FAM186A: variants seen among roughly 807,000 people sequenced by gnomAD.
The protein encoded by FAM186A is protein FAM186A.
A neutral mutation model predicts 216.8 loss-of-function variants in FAM186A; 163 were observed. That is an observed-to-expected ratio of 0.75 (90% confidence interval 0.66 to 0.86). The LOEUF (loss-of-function observed/expected upper bound fraction) is 0.86. Ranked by LOEUF, FAM186A falls within the 40% of genes least tolerant of loss-of-function variation. The probability of loss-of-function intolerance (pLI) is 0.00; values close to 1 mark genes in which losing one functional copy is unlikely to be tolerated. For synonymous variants in FAM186A, 805 were observed against 1,025.3 expected (o/e 0.79, Z 4.10); for missense variants, 2,184 against 2,746.2 (o/e 0.80, Z 4.58).
chr12:50,340,682 A>G (rs1942754006), intron 4 of FAM186A, among the ~76,000 whole-genome samples: 1 of 152,144 alleles, frequency 6.6e-6, no homozygotes, highest in Admixed American at 6.6e-5. Flanking sequence ...CTCTTTAAAA[A>G]AAAAAAAAAT....
Position 50,353,463 on chromosome 12 carries a change from GA to G in FAM186A, c.3368del (p.Phe1123SerfsTer45). Reference sequence around the variant, plus strand: ...CCAGGGCCTGCGCCTGCTGAGGGGTGAAAAGGATCTCCAGGGCCTGGGCCTG... The same window carrying G: ...CCAGGGCCTGCGCCTGCTGAGGGGTGAAAGGATCTCCAGGGCCTGGGCCTG... ...PQQAQALEIL[F>X]TPQQAQALGI... On this transcript the variant is annotated frameshift_variant, in exon 4 of 8. Transcript: ENST00000327337. LOFTEE classifies it high-confidence loss of function. 1 of 1,526,646 alleles carries G rather than the reference GA, an allele frequency of 6.6e-7. No individual in the cohort carries two copies. The highest frequency in any genetic ancestry group is 8.8e-7 in the Non-Finnish European group (1 of 1,135,726). The allele number at this position is 1,526,646 out of a possible 1,614,324, so 94.6% of individuals were successfully genotyped here.
chr12:50,374,354 T>TA (rs993955457), intron 1 of FAM186A, among the ~76,000 whole-genome samples: 66 of 145,898 alleles, frequency 4.5e-4, no homozygotes, highest in African/African-American at 1.4e-3. Flanking sequence ...TTATAGAAAT[T>TA]AAAAAAAAAA....
Position 50,334,093 on chromosome 12 carries a change from T to C in FAM186A, c.6514A>G (p.Met2172Val). 1.3e-6 allele frequency: 2 copies of C among 1,544,620 alleles called. No individual in the cohort carries two copies. The highest frequency in any genetic ancestry group is 1.7e-6 in the Non-Finnish European group (2 of 1,144,946). The change falls in exon 5 of 8, where the codon ATG becomes GTG. Residue 2172 changes from methionine (M) to valine (V), a missense_variant. Met to Val is a conservative substitution (Grantham distance 21). Transcript: ENST00000327337. ...TTTTGGATGGCTTTTAGTCGTTTCATTATGTTGTTCCTTGAAAAGATTAAT... is the reference window on the plus strand; with the variant it reads ...TTTTGGATGGCTTTTAGTCGTTTCACTATGTTGTTCCTTGAAAAGATTAAT... ...RLIQHARNNI[M>V]KRLKAIQNTG...
rs1724793039 is a variant in FAM186A, at chr12:50,334,177, T to C, written c.6504-74A>G. On this transcript the variant is annotated intron_variant, in intron 4 of 7. Transcript: ENST00000327337. ...TTCAACAAACTTGTCCTCAGTTTCTTTTTTTTTTTTGAGACGGAGTTTCGA... is the reference window on the plus strand; with the variant it reads ...TTCAACAAACTTGTCCTCAGTTTCTCTTTTTTTTTTGAGACGGAGTTTCGA... 1.1e-5 allele frequency: 13 copies of C among 1,150,290 alleles called. No homozygotes were observed. The South Asian group carries it at 2.4e-4, about 21-fold the overall frequency. The allele number at this position is 1,150,290 out of a possible 1,614,324, so 71.3% of individuals were successfully genotyped here.
chr12:50,396,374 C>T lies in FAM186A; in HGVS notation c.111G>A (p.Met37Ile). The change falls in exon 1 of 8, where the codon ATG becomes ATA. Residue 37 changes from methionine to isoleucine, a missense_variant. Physicochemically the swap from Met to Ile is conservative, Grantham distance 10. Around this residue, in one of 7 missense-constraint regions of FAM186A, gnomAD observed 1,132 missense variants for 1,263.4 expected, o/e 0.90. Coordinates refer to ENST00000327337, the MANE Select transcript of FAM186A (RefSeq NM_001145475.3). ...REPQNILSPL[M>I]LPNLEIPFSV... ...AGAATGGGATCTCAAGGTTAGGGAG[C>T]ATCAAAGGACTAAGGATATTTTGGG... 3 of 1,551,612 alleles carry T rather than the reference C, an allele frequency of 1.9e-6. No individual in the cohort carries two copies. The highest frequency in any genetic ancestry group is 2.6e-6 in the Non-Finnish European group (3 of 1,146,980).
At chr12:50,342,288 C>T (rs868261015) in intron 4 of FAM186A, among the ~76,000 whole-genome samples, 2 of 148,350 alleles carry the variant, frequency 1.3e-5, no homozygotes, top group Non-Finnish European at 3.0e-5. Context: ...CCTGGGCAAC[C>T]AAGTGAGACT....
intron 4 of FAM186A, among the ~76,000 whole-genome samples, chr12:50,335,835 G>C (rs2138760307): frequency 1.3e-5 from 2 of 151,144 alleles, no homozygotes; most frequent in South Asian, 4.2e-4. Flanking sequence ...ATTCCAGTAA[G>C]GGTAATAAGG....
chr12:50,331,913 A>C (rs1942661064), intron 5 of FAM186A, 92 bp from the exon 6 acceptor site: 1 of 1,083,812 alleles, frequency 9.2e-7, no homozygotes, highest in East Asian at 2.8e-5. Flanking sequence ...CTAAACTGTG[A>C]CTCCTCCTTT....
Position 50,353,815 on chromosome 12 carries a change from G to C in FAM186A, c.3017C>G (p.Pro1006Arg). ...CTTCCACCTGGGAGATAATGTCATT[G>C]GAGTTTGGATGACCATTTTTTCTAG... ...KELEKMVIQT[P>R]MTLSPRWKSV... Residue 1006 changes from proline (P) to arginine (R), a missense_variant, in exon 4 of 8, where the codon CCA becomes CGA. Pro to Arg is a moderately radical substitution (Grantham distance 103). This residue lies in a region of FAM186A where 1,132 missense variants were observed against 1,263.4 expected (regional missense o/e 0.90). Transcript: ENST00000327337. The C allele has an allele frequency of 6.4e-7, 1 of 1,551,596 alleles. No homozygotes were observed. The highest frequency in any genetic ancestry group is 8.7e-7 in the Non-Finnish European group (1 of 1,146,952).
Position 50,330,948 on chromosome 12 carries a change from C to A in FAM186A, c.6849-190G>T, listed in dbSNP as rs1942651095. Among the ~76,000 whole-genome samples, 2 of 152,156 alleles carry A rather than the reference C, an allele frequency of 1.3e-5. 1 individual carries two copies. The highest frequency in any genetic ancestry group is 4.1e-4 in the South Asian group (2 of 4,830). On this transcript the variant is annotated intron_variant, in intron 6 of 7. Coordinates refer to ENST00000327337, the MANE Select transcript of FAM186A (RefSeq NM_001145475.3). ...AGCAGAATTCGCTGAGTTACCAAAG[C>A]TGCATTTGCATGGCTTCACCTAGTA...
At position 50,330,677 on chromosome 12, in the gene FAM186A, C is replaced by T. The variant is rs1942648380; in HGVS notation, c.6930G>A (p.Met2310Ile). ...SSYPIAEKTS[M>I]HSLWAQLGGY... ...CACCCAGCTGGGCCCAGAGTGAATG[C>T]ATAGATGTCTTCTCTGCTATTGGGT... Residue 2310 changes from methionine (M) to isoleucine (I), a missense_variant, in exon 7 of 8, where the codon ATG becomes ATA. Met to Ile is a conservative substitution (Grantham distance 10). Transcript: ENST00000327337. The T allele has an allele frequency of 2.6e-6, 4 of 1,550,052 alleles. No homozygotes were observed. The highest frequency in any genetic ancestry group is 3.5e-6 in the Non-Finnish European group (4 of 1,146,320).
intron 1 of FAM186A, among the ~76,000 whole-genome samples, chr12:50,393,300 G>T (rs565708373): frequency 4.6e-5 from 7 of 152,044 alleles, no homozygotes; most frequent in Admixed American, 2.0e-4. Flanking sequence ...CACTTTGCGA[G>T]GCCGAGGCGG....
At chr12:50,368,642 T>C (rs2136100138) in intron 1 of FAM186A, among the ~76,000 whole-genome samples, 1 of 152,212 alleles carries the variant, frequency 6.6e-6, no homozygotes, top group East Asian at 1.9e-4. Context: ...ATGGCTTTTT[T>C]TTCTTTTGCA....
chr12:50,342,936 T>C (rs1942779266), intron 4 of FAM186A, among the ~76,000 whole-genome samples: 1 of 53,704 alleles, frequency 1.9e-5, no homozygotes, highest in Non-Finnish European at 3.6e-5. Context: ...CAAGACTAGA[T>C]AATTTTTTTT....
At chr12:50,364,671 G>A (rs1943070724) in intron 1 of FAM186A, among the ~76,000 whole-genome samples, 1 of 152,054 alleles carries the variant, frequency 6.6e-6, no homozygotes, top group African/African-American at 2.4e-5. Flanking sequence ...GGAGACCAAA[G>A]CGGGAGGATC....
chr12:50,331,671 T>C lies in FAM186A; in HGVS notation c.6847A>G (p.Arg2283Gly). Residue 2283 changes from arginine (R) to glycine (G), a missense_variant and splice_region_variant, in exon 6 of 8, where the codon AGG (arginine) becomes GGG (glycine). Transcript: ENST00000327337. ...AATATCAGTCTTTCTAGCACATACCTAAATTTCTTGCATATGTCAGAGGTT... is the reference window on the plus strand; with the variant it reads ...AATATCAGTCTTTCTAGCACATACCCAAATTTCTTGCATATGTCAGAGGTT... ...DRTSDICKKF[R>G]QQEDQTEAIW... 1 of 1,538,692 alleles carries C rather than the reference T, an allele frequency of 6.5e-7. No homozygotes were observed. Among genetic ancestry groups the C allele is most frequent in the Non-Finnish European group, 8.7e-7 (1 of 1,144,254 alleles).
At chr12:50,329,098 C>T (rs182145503) in intron 7 of FAM186A, among the ~76,000 whole-genome samples, 64 of 151,710 alleles carry the variant, frequency 4.2e-4, no homozygotes, top group Non-Finnish European at 6.2e-4. Context: ...CTAGCATGGA[C>T]GACAGAGGAA....
intron 3 of FAM186A, among the ~76,000 whole-genome samples, chr12:50,359,061 C>T (rs1038752622): frequency 6.6e-6 from 1 of 151,700 alleles, no homozygotes; most frequent in Non-Finnish European, 1.5e-5. Flanking sequence ...AAAATGCAAA[C>T]TAAAACCACA....
At chr12:50,337,468 T>C (rs1942720892) in intron 4 of FAM186A, among the ~76,000 whole-genome samples, 3 of 150,698 alleles carry the variant, frequency 2.0e-5, no homozygotes, top group Admixed American at 2.0e-4. Flanking sequence ...AATTTTTTTT[T>C]TTTTTTTTTA....
Sources: gnomAD v4.1 joint callset for allele counts (sites outside exome capture counted in the v4.1 genomes callset) on GRCh38, gnomAD v4.1.1 for gene constraint, gnomAD v4.1.1 regional missense constraint, MANE v1.5 for transcripts, NCBI Gene and HGNC (gene_info 2026-07-23, HGNC 2026-07-21) for gene names.